The following MMS22L variants were observed in gnomAD, a reference collection of about 807,000 sequenced individuals.
MMS22L encodes the protein MMS22 like, DNA repair protein, also known as protein MMS22-like.
Under a neutral mutation model 159.1 loss-of-function variants are expected in MMS22L, and 74 were observed. The observed-to-expected ratio is 0.47, with a 90% confidence interval of 0.39 to 0.56. MMS22L has a LOEUF of 0.56. Ranked by LOEUF, MMS22L falls within the 20% of genes least tolerant of loss-of-function variation. The pLI, the probability that MMS22L is intolerant of heterozygous loss-of-function variation, is 0.00. For synonymous variants in MMS22L, 517 were observed against 506.9 expected (o/e 1.02, Z -0.27); for missense variants, 1,351 against 1,422.1 (o/e 0.95, Z 0.80).
At chr6:97,236,179 A>C (rs1395391056) in intron 11 of MMS22L, among the ~76,000 whole-genome samples, 1 of 152,046 alleles carries the variant, frequency 6.6e-6, no homozygotes, top group East Asian at 1.9e-4. Context: ...AAATACAAAA[A>C]TTAGCTGGAC....
chr6:97,229,216 C>T lies in MMS22L; in HGVS notation c.1717G>A (p.Gly573Ser). Residue 573 changes from glycine (G) to serine (S), a missense_variant, in exon 14 of 25, where the codon GGT becomes AGT. Physicochemically the swap from Gly to Ser is moderately conservative, Grantham distance 56. Transcript: ENST00000683635. Reference sequence around the variant, plus strand: ...TACATCAAGAGGAAGGCCATGTGACCCTTCCAAATGAGGGCTCTCTGAGAC... The same window carrying T: ...TACATCAAGAGGAAGGCCATGTGACTCTTCCAAATGAGGGCTCTCTGAGAC... ...VTSQRALIWK[G>S]HMAFLLMYAQ... 6.2e-7 allele frequency: 1 copy of T among 1,614,064 alleles called. No homozygotes were observed. Among genetic ancestry groups the T allele is most frequent in the Non-Finnish European group, 8.5e-7 (1 of 1,180,002 alleles).
intron 11 of MMS22L, among the ~76,000 whole-genome samples, chr6:97,238,990 A>G (rs1811769507): frequency 2.0e-5 from 3 of 148,810 alleles, no homozygotes; most frequent in Admixed American, 1.4e-4. Flanking sequence ...ACAAAGACTC[A>G]TTTATTTATG....
At chr6:97,182,929 G>A (rs933005100) in intron 15 of MMS22L, among the ~76,000 whole-genome samples, 1 of 151,990 alleles carries the variant, frequency 6.6e-6, no homozygotes, top group Non-Finnish European at 1.5e-5. Flanking sequence ...TCACTATCAT[G>A]CTCTCCAACA....
chr6:97,209,965 C>T (rs1379731506), intron 14 of MMS22L, among the ~76,000 whole-genome samples: 1 of 151,726 alleles, frequency 6.6e-6, no homozygotes, highest in Non-Finnish European at 1.5e-5. Flanking sequence ...CCTATATCAA[C>T]TTTAAAGAGA....
intron 16 of MMS22L, among the ~76,000 whole-genome samples, chr6:97,180,143 C>T (rs145820975): frequency 0.073 from 11,062 of 151,912 alleles, 533 homozygotes; most frequent in Non-Finnish European, 0.11. Context: ...GCTCTGTTGC[C>T]CAGGCTGGAG....
At chr6:97,207,991 T>A (rs557424697) in intron 14 of MMS22L, among the ~76,000 whole-genome samples, 2 of 152,262 alleles carry the variant, frequency 1.3e-5, no homozygotes, top group East Asian at 3.9e-4. Flanking sequence ...TTATCAGTAG[T>A]TAAACATAAG....
Position 97,241,118 on chromosome 6 carries a change from G to A in MMS22L, c.1182+5510C>T, listed in dbSNP as rs927080098. Among the ~76,000 whole-genome samples, 6 of 152,166 alleles carry A rather than the reference G, an allele frequency of 3.9e-5. No individual in the cohort carries two copies. The East Asian group carries it at 1.2e-3, about 29-fold the overall frequency. On this transcript the variant is annotated intron_variant, in intron 11 of 24. Transcript: ENST00000683635. ...AGAATAATGGTCTCCACTCAATCCA[G>A]GTTCCTGCAAATACCATTATTTCAT... is the stretch of plus-strand genomic sequence containing the variant.
intron 4 of MMS22L, among the ~76,000 whole-genome samples, chr6:97,275,557 A>G (rs1169393585): frequency 6.6e-6 from 1 of 152,130 alleles, no homozygotes; most frequent in Non-Finnish European, 1.5e-5. Context: ...CAGCAACAAC[A>G]GTGGTTATAA....
At position 97,144,118 on chromosome 6, in the gene MMS22L, A is replaced by C. The variant is rs1003482864; in HGVS notation, c.*2688T>G. ...CAACAACAACAACAAAAAAAAAAAA[A>C]AAAAAAAAAAGAGAGAGAAAAGCTG... is the stretch of plus-strand genomic sequence containing the variant. On this transcript the variant is annotated 3_prime_UTR_variant, in exon 25 of 25. Transcript: ENST00000683635. The C allele has an allele frequency of 8.2e-5, 12 of 146,108 alleles. No homozygotes were observed. Among genetic ancestry groups the C allele is most frequent in the African/African-American group, 3.2e-4 (12 of 38,018 alleles). 9.1% of individuals were successfully genotyped at this position (146,108 alleles called of 1,614,324 possible). A position where few individuals can be genotyped will look rare whatever the true frequency, so the allele number is the denominator to read the frequency against.
intron 22 of MMS22L, among the ~76,000 whole-genome samples, chr6:97,154,532 G>A (rs772791771): frequency 2.0e-5 from 3 of 152,076 alleles, no homozygotes; most frequent in Non-Finnish European, 4.4e-5. Flanking sequence ...CAAATTCGAG[G>A]TCATGAAGAT....
chr6:97,204,364 C>G (rs546191497), intron 14 of MMS22L, among the ~76,000 whole-genome samples: 2 of 152,260 alleles, frequency 1.3e-5, no homozygotes, highest in East Asian at 3.9e-4. Flanking sequence ...GTTAAGATAA[C>G]ATTAACTGGA....
intron 10 of MMS22L, among the ~76,000 whole-genome samples, 156 bp from the exon 11 acceptor site, chr6:97,246,846 T>C (rs974558013): frequency 6.6e-6 from 1 of 152,190 alleles, no homozygotes; most frequent in Admixed American, 6.5e-5. Context: ...GGTAAAGAGT[T>C]AACAAACTTG....
At chr6:97,245,155 A>C (rs1812496146) in intron 11 of MMS22L, among the ~76,000 whole-genome samples, 1 of 152,000 alleles carries the variant, frequency 6.6e-6, no homozygotes, top group Non-Finnish European at 1.5e-5. Context: ...AAACCTTTAA[A>C]GCTTCTTAAG....
At chr6:97,197,477 T>TTA (rs1319947098) in intron 14 of MMS22L, among the ~76,000 whole-genome samples, 1 of 152,106 alleles carries the variant, frequency 6.6e-6, no homozygotes, top group Non-Finnish European at 1.5e-5. Flanking sequence ...GTCCTTGGGG[T>TTA]TAAAGGCACT....
intron 14 of MMS22L, among the ~76,000 whole-genome samples, chr6:97,204,069 C>A (rs548430368): frequency 6.6e-6 from 1 of 152,264 alleles, no homozygotes; most frequent in East Asian, 1.9e-4. Flanking sequence ...TACTGTAACA[C>A]AGCAGCATAG....
At chr6:97,203,797 T>C (rs886309998) in intron 14 of MMS22L, among the ~76,000 whole-genome samples, 1 of 152,216 alleles carries the variant, frequency 6.6e-6, no homozygotes, top group Non-Finnish European at 1.5e-5. Flanking sequence ...TGGAGAAATA[T>C]AATGATTGTA....
chr6:97,224,792 T>C (rs1390477707), intron 14 of MMS22L, among the ~76,000 whole-genome samples: 1 of 151,890 alleles, frequency 6.6e-6, no homozygotes, highest in Non-Finnish European at 1.5e-5. Flanking sequence ...TGTAAACTTA[T>C]AAAGACTGTA....
chr6:97,161,881 CCATAT>C (rs1802476207), intron 22 of MMS22L, 116 bp downstream of exon 22: 3 of 899,460 alleles, frequency 3.3e-6, no homozygotes, highest in Non-Finnish European at 5.0e-6. Flanking sequence ...TAACCATGAC[CCATAT>C]CAAGAGATAT....
chr6:97,273,077 G>C lies in MMS22L; in HGVS notation c.341-15C>G, dbSNP rs762138950. On this transcript the variant is annotated splice_polypyrimidine_tract_variant and intron_variant, in intron 4 of 24. Coordinates refer to ENST00000683635, the MANE Select transcript of MMS22L (RefSeq NM_001350599.2). ...TGATACCTTCCCTGAAACCAAAATA[G>C]ACAATGTTAATCATAGTTCAAATAA... The C allele has an allele frequency of 1.3e-6, 2 of 1,586,652 alleles. No homozygotes were observed. Among genetic ancestry groups the C allele is most frequent in the Non-Finnish European group, 1.7e-6 (2 of 1,167,834 alleles).
Sources: gnomAD v4.1 joint callset for allele counts (sites outside exome capture counted in the v4.1 genomes callset) on GRCh38, gnomAD v4.1.1 for gene constraint, MANE v1.5 for transcripts, NCBI Gene and HGNC (gene_info 2026-07-23, HGNC 2026-07-21) for gene names.